ZFHX4: variants seen among roughly 807,000 people sequenced by gnomAD.
ZFHX4 encodes the protein zinc finger homeobox 4, also known as zinc finger homeobox protein 4.
ZFHX4 carries 56 observed loss-of-function variants against 267.6 expected under a neutral mutation model. The ratio of observed to expected loss-of-function variants is 0.21; its 90% CI spans 0.17 to 0.26. The LOEUF (loss-of-function observed/expected upper bound fraction) is 0.26. Ranked by LOEUF, ZFHX4 falls within the 10% of genes least tolerant of loss-of-function variation. The probability of loss-of-function intolerance (pLI) is 1.00; values close to 1 mark genes in which losing one functional copy is unlikely to be tolerated. For synonymous variants in ZFHX4, 1,778 were observed against 1,665.6 expected (o/e 1.07, Z -1.64); for missense variants, 4,332 against 4,420.0 (o/e 0.98, Z 0.56).
At position 76,704,043 on chromosome 8, in the gene ZFHX4, G is replaced by A. The variant is rs767220588; in HGVS notation, c.-46G>A. 6 of 1,530,052 alleles carry A rather than the reference G, an allele frequency of 3.9e-6. No homozygotes were observed. The African/African-American group carries it at 8.3e-5, about 21-fold the overall frequency. The allele number at this position is 1,530,052 out of a possible 1,614,324, so 94.8% of individuals were successfully genotyped here. On this transcript the variant is annotated splice_region_variant and 5_prime_UTR_variant, in exon 2 of 11. Transcript: ENST00000651372. ...TTCTCTCACCTTATTTTTTATCCAG[G>A]TCCCTGACAGGCTGGATGAAATGAG...
In ZFHX4 at chr8:76,850,256, T is replaced by C. The variant is rs765659986; in HGVS notation, c.3858T>C (p.Pro1286=). The part of the protein sequence containing the change: ...VEKLLMTVPV[P]DVMMPNSMLL... ...TTTGGTTTCCAAAGGTGCCTGTCCC[T>C]GATGTGATGATGCCAAACAGTATGC... Residue 1286 remains proline (P), a synonymous_variant, in exon 9 of 11, where the codon CCT becomes CCC. Transcript: ENST00000651372. 3 of 1,612,420 alleles carry C rather than the reference T, an allele frequency of 1.9e-6. No homozygotes were observed. Among genetic ancestry groups the C allele is most frequent in the South Asian group, 2.2e-5 (2 of 90,520 alleles).
chr8:76,709,947 C>G (rs887580318), intron 3 of ZFHX4, among the ~76,000 whole-genome samples: 4 of 151,806 alleles, frequency 2.6e-5, no homozygotes, highest in Non-Finnish European at 5.9e-5. Context: ...TGGATGTTGT[C>G]TTTGAATTTA....
chr8:76,856,168 A>G lies in ZFHX4; in HGVS notation c.9247A>G (p.Met3083Val). 6.2e-7 allele frequency: 1 copy of G among 1,613,996 alleles called. No homozygotes were observed. The highest frequency in any genetic ancestry group is 8.5e-7 in the Non-Finnish European group (1 of 1,179,858). ...GGGCTTGACGGTACAGCAGCCAGGCATGATGGACAGCAGTTCTCTCCACGG... is the reference window on the plus strand; with the variant it reads ...GGGCTTGACGGTACAGCAGCCAGGCGTGATGGACAGCAGTTCTCTCCACGG... ...VLGLTVQQPG[M>V]MDSSSLHGIS... The change falls in exon 10 of 11, where the codon ATG becomes GTG. Residue 3083 changes from methionine to valine, a missense_variant. By Grantham distance (21) the Met-to-Val change is conservative. Coordinates refer to ENST00000651372, the MANE Select transcript of ZFHX4 (RefSeq NM_024721.5).
chr8:76,761,958 A>G (rs1462316082), intron 3 of ZFHX4, among the ~76,000 whole-genome samples: 3 of 152,212 alleles, frequency 2.0e-5, no homozygotes, highest in African/African-American at 7.2e-5. Context: ...AATACTCTAA[A>G]AATTGAAAGG....
chr8:76,727,979 T>A (rs919853826), intron 3 of ZFHX4, among the ~76,000 whole-genome samples: 1 of 152,180 alleles, frequency 6.6e-6, no homozygotes, highest in African/African-American at 2.4e-5. Context: ...CTCAGCAGCA[T>A]TAACCCTTTG....
intron 3 of ZFHX4, among the ~76,000 whole-genome samples, chr8:76,717,129 G>A (rs1808597010): frequency 6.6e-6 from 1 of 152,016 alleles, no homozygotes; most frequent in African/African-American, 2.4e-5. Context: ...TACAACTACT[G>A]GAGGAAGTTG....
chr8:76,804,906 C>T (rs1811207998), intron 4 of ZFHX4, among the ~76,000 whole-genome samples: 1 of 151,992 alleles, frequency 6.6e-6, no homozygotes, highest in South Asian at 2.1e-4. Context: ...TTAAACTAGC[C>T]CCCGTTTGAG....
chr8:76,856,163 C>T lies in ZFHX4; in HGVS notation c.9242C>T (p.Pro3081Leu). The T allele has an allele frequency of 6.2e-7, 1 of 1,613,976 alleles. No homozygotes were observed. Among genetic ancestry groups the T allele is most frequent in the South Asian group, 1.1e-5 (1 of 91,086 alleles). The change falls in exon 10 of 11, where the codon CCA becomes CTA. Residue 3081 changes from proline to leucine, a missense_variant. Pro to Leu is a moderately conservative substitution (Grantham distance 98). Coordinates refer to ENST00000651372, the MANE Select transcript of ZFHX4 (RefSeq NM_024721.5). ...GTGCTGGGCTTGACGGTACAGCAGCCAGGCATGATGGACAGCAGTTCTCTC... is the reference window on the plus strand; with the variant it reads ...GTGCTGGGCTTGACGGTACAGCAGCTAGGCATGATGGACAGCAGTTCTCTC... ...SDVLGLTVQQPGMMDSSSLHG... is the reference protein window; with the variant it reads ...SDVLGLTVQQLGMMDSSSLHG...
intron 4 of ZFHX4, among the ~76,000 whole-genome samples, chr8:76,806,218 T>A (rs1811242125): frequency 6.6e-6 from 1 of 152,128 alleles, no homozygotes; most frequent in Admixed American, 6.6e-5. Flanking sequence ...CGTAGCATGA[T>A]CATCCAAAAG....
At position 76,853,568 on chromosome 8, in the gene ZFHX4, A is replaced by G; in HGVS notation, c.6647A>G (p.Glu2216Gly). 6.2e-7 allele frequency: 1 copy of G among 1,613,902 alleles called. No homozygotes were observed. Among genetic ancestry groups the G allele is most frequent in the Non-Finnish European group, 8.5e-7 (1 of 1,179,860 alleles). ...IRIDPQPTSL[E>G]HYKSDASFSK... ...ATTGATCCACAGCCCACCTCTTTAG[A>G]ACATTACAAATCTGATGCATCATTC... Residue 2216 changes from glutamate to glycine, a missense_variant, in exon 10 of 11, where the codon GAA (glutamate) becomes GGA (glycine). Physicochemically the swap from Glu to Gly is moderately conservative, Grantham distance 98 (BLOSUM62 -2). This residue lies in a region of ZFHX4 where 62 missense variants were observed against 69.8 expected (regional missense o/e 0.89). Coordinates refer to ENST00000651372, the MANE Select transcript of ZFHX4 (RefSeq NM_024721.5).
At chr8:76,721,665 A>T (rs983482182) in intron 3 of ZFHX4, among the ~76,000 whole-genome samples, 1 of 152,162 alleles carries the variant, frequency 6.6e-6, no homozygotes, top group Non-Finnish European at 1.5e-5. Context: ...TTAGAGAATT[A>T]ATATTTAGAT....
In ZFHX4 at chr8:76,864,509, G is replaced by A; in HGVS notation, c.10795G>A (p.Ala3599Thr). The change falls in exon 11 of 11, where the codon GCT (alanine) becomes ACT (threonine). Residue 3599 changes from alanine (A) to threonine (T), a missense_variant. Physicochemically the swap from Ala to Thr is moderately conservative, Grantham distance 58. This residue lies in a region of ZFHX4 where 1,648 missense variants were observed against 1,625.0 expected (regional missense o/e 1.01). Coordinates refer to ENST00000651372, the MANE Select transcript of ZFHX4 (RefSeq NM_024721.5). ...DNSLEVKAKP[A>T]SGLDGNFNSI... ...TTCTTTGGAAGTGAAGGCTAAGCCT[G>A]CTTCTGGCCTAGATGGTAATTTCAA... The A allele has an allele frequency of 1.2e-6, 2 of 1,612,916 alleles. No individual in the cohort carries two copies. The highest frequency in any genetic ancestry group is 1.1e-5 in the South Asian group (1 of 90,970).
Position 76,706,900 on chromosome 8 carries a change from G to A in ZFHX4, c.2590+222G>A, listed in dbSNP as rs573659333. ...AGGGATCAATGGCGGCATCAGCGAA[G>A]TTAGCAAACTTTGTCTTCATTCAGT... On this transcript the variant is annotated intron_variant, in intron 2 of 10. Transcript: ENST00000651372. Among the ~76,000 whole-genome samples the A allele has an allele frequency of 2.0e-5, 3 of 152,362 alleles. No homozygotes were observed. In the South Asian group the frequency reaches 6.2e-4, roughly 32 times the overall value.
At chr8:76,698,159 T>C (rs1165894455) in intron 1 of ZFHX4, among the ~76,000 whole-genome samples, 2 of 152,124 alleles carry the variant, frequency 1.3e-5, no homozygotes, top group Non-Finnish European at 2.9e-5. Context: ...ATGCAAACTA[T>C]TCATTTTCAA....
At chr8:76,814,589 T>A (rs1438335923) in intron 4 of ZFHX4, among the ~76,000 whole-genome samples, 1 of 152,144 alleles carries the variant, frequency 6.6e-6, no homozygotes, top group Non-Finnish European at 1.5e-5. Flanking sequence ...AATGCTGAAA[T>A]TAGAAAAATA....
intron 6 of ZFHX4, among the ~76,000 whole-genome samples, chr8:76,847,003 C>T (rs1812381401): frequency 6.6e-6 from 1 of 152,058 alleles, no homozygotes; most frequent in Non-Finnish European, 1.5e-5. Flanking sequence ...TATTATTCTC[C>T]TAAGGAAACA....
At chr8:76,714,026 A>G (rs1808500424) in intron 3 of ZFHX4, among the ~76,000 whole-genome samples, 1 of 152,104 alleles carries the variant, frequency 6.6e-6, no homozygotes, top group Admixed American at 6.5e-5. Flanking sequence ...GATTTACATT[A>G]CATTTTTTTG....
chr8:76,810,747 T>C (rs1811356550), intron 4 of ZFHX4, among the ~76,000 whole-genome samples: 1 of 152,208 alleles, frequency 6.6e-6, no homozygotes. Flanking sequence ...AATAAATATT[T>C]AATAAAAGAA....
chr8:76,771,234 T>A (rs1810255353), intron 3 of ZFHX4, among the ~76,000 whole-genome samples: 1 of 152,154 alleles, frequency 6.6e-6, no homozygotes, highest in Non-Finnish European at 1.5e-5. Flanking sequence ...TTCACAGCCC[T>A]TATACTACCT....
Sources: gnomAD v4.1 joint callset for allele counts (sites outside exome capture counted in the v4.1 genomes callset) on GRCh38, gnomAD v4.1.1 for gene constraint, gnomAD v4.1.1 regional missense constraint, MANE v1.5 for transcripts, NCBI Gene and HGNC (gene_info 2026-07-23, HGNC 2026-07-21) for gene names.